Variants in MFHAS1 observed in about 807,000 individuals in gnomAD.
MFHAS1 encodes the protein multifunctional ROCO family signaling regulator 1, also known as malignant fibrous histiocytoma-amplified sequence 1.
MFHAS1 carries 50 observed loss-of-function variants against 70.4 expected under a neutral mutation model. The ratio of observed to expected loss-of-function variants is 0.71; its 90% CI spans 0.57 to 0.90. MFHAS1 has a LOEUF of 0.90. MFHAS1 is among the 40% of genes least tolerant of loss of function. The pLI is 0.00. For missense variants in MFHAS1, 1,795 were observed against 1,347.6 expected (o/e 1.33, Z -5.20); for synonymous variants, 952 against 620.0 (o/e 1.54, Z -7.96).
Position 8,891,502 on chromosome 8 carries a change from G to T in MFHAS1, c.1557C>A (p.Phe519Leu). The change falls in exon 1 of 3, where the codon TTC becomes TTA. Residue 519 changes from phenylalanine to leucine, a missense_variant. Physicochemically the swap from Phe to Leu is conservative, Grantham distance 22. Transcript: ENST00000276282. The surrounding 1 kb of genome is among the most constrained non-coding windows in gnomAD (Gnocchi z 5.4). ...PRHFPTTVGS[F>L]LHRVGARVPH... is the part of the protein sequence containing the mutation. ...GCACTCTCGCCCCGACCCGATGCAA[G>T]AAGGAGCCCACGGTGGTAGGAAAGT... 1 of 1,613,098 alleles carries T rather than the reference G, an allele frequency of 6.2e-7. No homozygotes were observed. The highest frequency in any genetic ancestry group is 2.2e-5 in the East Asian group (1 of 44,882).
intron 1 of MFHAS1, among the ~76,000 whole-genome samples, chr8:8,883,279 C>T (rs1563219550): frequency 1.3e-5 from 2 of 152,142 alleles, no homozygotes; most frequent in Non-Finnish European, 2.9e-5. Context: ...GGAACAGGGA[C>T]GCCAAGGCTG....
intron 2 of MFHAS1, among the ~76,000 whole-genome samples, chr8:8,792,493 C>T (rs113613891): frequency 6.6e-6 from 1 of 151,982 alleles, no homozygotes; most frequent in African/African-American, 2.4e-5. Context: ...ATAATCCCAG[C>T]TACTCTGGAG....
At chr8:8,865,494 T>G (rs1261196400) in intron 1 of MFHAS1, among the ~76,000 whole-genome samples, 4 of 152,158 alleles carry the variant, frequency 2.6e-5, no homozygotes, top group South Asian at 4.1e-4. Context: ...CCTAACTCGA[T>G]GAAAGCTAAA....
chr8:8,865,526 G>A (rs1367011273), intron 1 of MFHAS1, among the ~76,000 whole-genome samples: 1 of 152,104 alleles, frequency 6.6e-6, no homozygotes, highest in African/African-American at 2.4e-5. Context: ...ACCCCTCCCA[G>A]GACAGCCCTG....
At chr8:8,858,657 G>T (rs749458449) in intron 1 of MFHAS1, among the ~76,000 whole-genome samples, 3 of 151,976 alleles carry the variant, frequency 2.0e-5, no homozygotes, top group Non-Finnish European at 4.4e-5. Flanking sequence ...TGGGGGGTTG[G>T]GTTCTAGGGC....
Position 8,892,570 on chromosome 8 carries a change from C to T in MFHAS1, c.489G>A (p.Leu163=), listed in dbSNP as rs773033494. 1.2e-6 allele frequency: 2 copies of T among 1,605,942 alleles called. No homozygotes were observed. The highest frequency in any genetic ancestry group is 2.2e-5 in the South Asian group (2 of 90,142). Residue 163 remains leucine (L), a synonymous_variant, in exon 1 of 3, where the codon CTG becomes CTA. Transcript: ENST00000276282. The surrounding 1 kb of genome is among the most constrained non-coding windows in gnomAD (Gnocchi z 4.7). ...GCGCCAGCCGGTTAAAGCTGACATC[C>T]AGCTCCTCCAGGTGAGCGAGAGCGC... ...QLGALAHLEE[L]DVSFNRLAHL...
At chr8:8,847,516 T>A (rs1457712439) in intron 1 of MFHAS1, among the ~76,000 whole-genome samples, 2 of 152,004 alleles carry the variant, frequency 1.3e-5, no homozygotes, top group Non-Finnish European at 2.9e-5. Flanking sequence ...GCAGAAAGGA[T>A]CTACTCAGAA....
chr8:8,883,269 G>A (rs1809599966), intron 1 of MFHAS1, among the ~76,000 whole-genome samples: 1 of 152,204 alleles, frequency 6.6e-6, no homozygotes, highest in Non-Finnish European at 1.5e-5. Context: ...CCATCCCCAG[G>A]GAACAGGGAC....
chr8:8,806,909 C>T (rs546635536), intron 1 of MFHAS1, among the ~76,000 whole-genome samples: 11 of 151,856 alleles, frequency 7.2e-5, no homozygotes, highest in African/African-American at 1.7e-4. Flanking sequence ...TGCAGAGAGC[C>T]GAGATTGTGC....
At chr8:8,878,262 G>A (rs929802355) in intron 1 of MFHAS1, among the ~76,000 whole-genome samples, 1 of 152,206 alleles carries the variant, frequency 6.6e-6, no homozygotes, top group African/African-American at 2.4e-5. Context: ...AGACCCAAGT[G>A]ACGGTGGGTC....
intron 1 of MFHAS1, among the ~76,000 whole-genome samples, chr8:8,810,023 T>C (rs1179824424): frequency 6.6e-6 from 1 of 152,180 alleles, no homozygotes; most frequent in Non-Finnish European, 1.5e-5. Context: ...CTTATCAAAA[T>C]CTACCTGACT....
chr8:8,816,580 G>A (rs533623874), intron 1 of MFHAS1, among the ~76,000 whole-genome samples: 1 of 152,284 alleles, frequency 6.6e-6, no homozygotes, highest in South Asian at 2.1e-4. Context: ...TTTCATTTGT[G>A]CCTTACTGTA....
intron 1 of MFHAS1, among the ~76,000 whole-genome samples, chr8:8,817,056 C>T (rs955097077): frequency 1.3e-5 from 2 of 152,156 alleles, no homozygotes; most frequent in African/African-American, 4.8e-5. Context: ...CAAAGAGACA[C>T]CAAGGCTAAG....
At chr8:8,865,134 G>A (rs1024688653) in intron 1 of MFHAS1, among the ~76,000 whole-genome samples, 1 of 151,908 alleles carries the variant, frequency 6.6e-6, no homozygotes, top group South Asian at 2.1e-4. Context: ...AAAGTTAGCT[G>A]GGCACGGTGG....
At chr8:8,889,339 C>T (rs1809897381) in intron 1 of MFHAS1, among the ~76,000 whole-genome samples, 2 of 152,190 alleles carry the variant, frequency 1.3e-5, no homozygotes, top group African/African-American at 2.4e-5. Flanking sequence ...AGGGGAGCAG[C>T]AGCCCCAGGA....
chr8:8,867,332 C>T (rs1312562487), intron 1 of MFHAS1, among the ~76,000 whole-genome samples: 1 of 152,212 alleles, frequency 6.6e-6, no homozygotes, highest in Non-Finnish European at 1.5e-5. Flanking sequence ...TGAAAGTATG[C>T]TTCTTATGGT....
chr8:8,826,541 T>G (rs1249279390), intron 1 of MFHAS1, among the ~76,000 whole-genome samples: 1 of 152,154 alleles, frequency 6.6e-6, no homozygotes, highest in African/African-American at 2.4e-5. Context: ...AAGACCTGCC[T>G]GGCCAACACG....
At chr8:8,827,382 G>A (rs1162083473) in intron 1 of MFHAS1, among the ~76,000 whole-genome samples, 1 of 152,172 alleles carries the variant, frequency 6.6e-6, no homozygotes, top group Non-Finnish European at 1.5e-5. Flanking sequence ...AACAGCACTG[G>A]TCAACTCAAT....
At chr8:8,844,449 T>C (rs1219070080) in intron 1 of MFHAS1, among the ~76,000 whole-genome samples, 1 of 152,212 alleles carries the variant, frequency 6.6e-6, no homozygotes, top group Non-Finnish European at 1.5e-5. Context: ...CAAATAAGCC[T>C]AGGCATATAC....
Sources: allele counts gnomAD v4.1 joint callset (sites outside exome capture counted in the v4.1 genomes callset), GRCh38; gene constraint gnomAD v4.1.1; non-coding constraint Gnocchi (gnomAD v3.1); transcripts MANE v1.5; gene names NCBI Gene and HGNC (gene_info 2026-07-23, HGNC 2026-07-21).